DYTN: variants seen among roughly 807,000 people sequenced by gnomAD.
DYTN encodes the protein dystrotelin.
In DYTN, 75 loss-of-function variants were observed where a neutral mutation model predicts 69.6. That is an observed-to-expected ratio of 1.08 (90% CI 0.89 to 1.31). The LOEUF (loss-of-function observed/expected upper bound fraction) is 1.31, where lower values mean the gene tolerates loss of function less well. DYTN is among the 50% of genes most tolerant of loss of function. DYTN has a pLI of 0.00. For synonymous variants in DYTN, 252 were observed against 249.1 expected, an observed-to-expected ratio of 1.01 and a Z score of -0.11; for missense variants, 726 against 688.4, an observed-to-expected ratio of 1.05 and a Z score of -0.61.
In DYTN at chr2:206,692,910, ATCT is replaced by A. The variant is rs560225377; in HGVS notation, c.980+262_980+264del. Among the ~76,000 whole-genome samples the A allele has an allele frequency of 2.6e-4, 40 of 152,228 alleles. No homozygotes were observed. The East Asian group carries it at 6.7e-3, about 26-fold the overall frequency. On this transcript the variant is annotated intron_variant, in intron 9 of 11. Transcript: ENST00000452335. ...TTATTCAAATATTCTAATATTAAAAATCTTCTTTGTCTTTCTGATGGTTTCATT... is the reference window on the plus strand; with the variant it reads ...TTATTCAAATATTCTAATATTAAAAATCTTTGTCTTTCTGATGGTTTCATT...
intron 7 of DYTN, among the ~76,000 whole-genome samples, chr2:206,698,994 C>T (rs561542419): frequency 2.8e-4 from 42 of 152,324 alleles, no homozygotes; most frequent in Middle Eastern, 3.4e-3. Flanking sequence ...GATAAGAATA[C>T]AACCCTTTGT....
At chr2:206,696,685 C>G (rs1198474316) in intron 7 of DYTN, among the ~76,000 whole-genome samples, 1 of 152,140 alleles carries the variant, frequency 6.6e-6, no homozygotes, top group Non-Finnish European at 1.5e-5. Flanking sequence ...GATTTTGAGT[C>G]CCAGGTTACT....
intron 9 of DYTN, among the ~76,000 whole-genome samples, chr2:206,692,917 T>C (rs1699879945): frequency 6.6e-6 from 1 of 152,202 alleles, no homozygotes; most frequent in African/African-American, 2.4e-5. Context: ...AAAATCTTCT[T>C]TGTCTTTCTG....
chr2:206,686,953 AG>A (rs1699816987), intron 9 of DYTN: 1 of 155,098 alleles, frequency 6.4e-6, no homozygotes, highest in African/African-American at 2.4e-5. Context: ...CCTGAGGAGC[AG>A]AGTGGATGGT....
chr2:206,702,255 A>G (rs1242140916), intron 5 of DYTN, among the ~76,000 whole-genome samples: 1 of 152,216 alleles, frequency 6.6e-6, no homozygotes. Context: ...TGTCACCTCC[A>G]TTTATTCCCA....
At position 206,693,260 on chromosome 2, in the gene DYTN, G is replaced by C. The variant is rs773886796; in HGVS notation, c.895C>G (p.Arg299Gly). 2.5e-6 allele frequency: 4 copies of C among 1,613,502 alleles called. No homozygotes were observed. Among genetic ancestry groups the C allele is most frequent in the Non-Finnish European group, 2.5e-6 (3 of 1,179,872 alleles). ...CTCGCTGCTTCTTTCTTCCTACAGC[G>C]CCCCTGAAGAAGGTTGTTTCTGAGG... ...RTLRNNLLQG[R>G]CRKKEAARRQ... Residue 299 changes from arginine (R) to glycine (G), a missense_variant, in exon 9 of 12, where the codon CGC becomes GGC. By Grantham distance (125) the Arg-to-Gly change is moderately radical. Coordinates refer to ENST00000452335, the MANE Select transcript of DYTN (RefSeq NM_001093730.1).
At chr2:206,706,174 G>T (rs1339877911) in intron 3 of DYTN, among the ~76,000 whole-genome samples, 1 of 152,138 alleles carries the variant, frequency 6.6e-6, no homozygotes, top group Non-Finnish European at 1.5e-5. Context: ...CATGGAGCAG[G>T]TAGCATCACT....
intron 9 of DYTN, among the ~76,000 whole-genome samples, chr2:206,683,471 G>A (rs2105894522): frequency 6.7e-6 from 1 of 149,704 alleles, no homozygotes; most frequent in East Asian, 2.0e-4. Context: ...AGCCTCCCAA[G>A]TAGCTGGGAT....
rs758156864 is a variant in DYTN at position 206,659,164 on chromosome 2, CTTTTTTTTTTTT to C, written c.1633+3727_1633+3738del. ...CTTTTCCGTTAAGTTCTCACAGTCT[CTTTTTTTTTTTT>C]TTTTTTTTTTTTTGAGACGGAGTCT... On this transcript the variant is annotated intron_variant, in intron 11 of 11. Coordinates refer to ENST00000452335, the MANE Select transcript of DYTN (RefSeq NM_001093730.1). Among the ~76,000 whole-genome samples the C allele has an allele frequency of 3.3e-4, 18 of 54,308 alleles. No individual in the cohort carries two copies. The South Asian group carries it at 0.017, about 51-fold the overall frequency. The allele number at this position is 54,308 out of a possible 152,430, so 35.6% of individuals were successfully genotyped here. A position where few individuals can be genotyped will look rare whatever the true frequency, so the allele number is the denominator to read the frequency against.
chr2:206,689,303 T>C (rs372792560), intron 9 of DYTN, among the ~76,000 whole-genome samples: 6 of 152,224 alleles, frequency 3.9e-5, no homozygotes, highest in Non-Finnish European at 8.8e-5. Context: ...GCCATAACCA[T>C]TAATCTCTTA....
At chr2:206,706,525 A>C (rs1024954743) in intron 3 of DYTN, among the ~76,000 whole-genome samples, 5 of 151,870 alleles carry the variant, frequency 3.3e-5, no homozygotes, top group Non-Finnish European at 5.9e-5. Context: ...AGAGAAAATA[A>C]CTGTAAGGAA....
chr2:206,704,278 AATG>A (rs1263620150), intron 5 of DYTN, among the ~76,000 whole-genome samples: 1 of 152,234 alleles, frequency 6.6e-6, no homozygotes, highest in Non-Finnish European at 1.5e-5. Flanking sequence ...GGAGGTGACA[AATG>A]ATTGAGAGAT....
At chr2:206,675,757 A>G (rs1312216211) in intron 9 of DYTN, among the ~76,000 whole-genome samples, 2 of 152,232 alleles carry the variant, frequency 1.3e-5, no homozygotes, top group Non-Finnish European at 2.9e-5. Context: ...CAACCCCATC[A>G]AAAAGTGGGC....
intron 11 of DYTN, among the ~76,000 whole-genome samples, chr2:206,656,215 C>T (rs1158234105): frequency 1.3e-5 from 2 of 151,780 alleles, no homozygotes; most frequent in African/African-American, 4.8e-5. Context: ...GTAAATTGAC[C>T]CTTTTATCAT....
At chr2:206,689,345 T>C (rs1007544323) in intron 9 of DYTN, among the ~76,000 whole-genome samples, 2 of 152,242 alleles carry the variant, frequency 1.3e-5, no homozygotes, top group Admixed American at 6.5e-5. Context: ...GCCAACATAA[T>C]AGATATCAAA....
At position 206,685,783 on chromosome 2, in the gene DYTN, C is replaced by G. The variant is rs146130570; in HGVS notation, c.980+7392G>C. On this transcript the variant is annotated intron_variant, in intron 9 of 11. Coordinates refer to ENST00000452335, the MANE Select transcript of DYTN (RefSeq NM_001093730.1). ...AAGGAGCAAACATTCATTTTTTCCC[C>G]TTACATAACTTTGCATTTAAATATA... 9.5e-4 allele frequency among the ~76,000 whole-genome samples: 145 copies of G among 152,110 alleles called. 1 individual carries two copies. The highest frequency in any genetic ancestry group is 3.3e-3 in the African/African-American group (135 of 41,516).
chr2:206,669,003 C>G (rs1377897938), intron 9 of DYTN, among the ~76,000 whole-genome samples: 1 of 152,194 alleles, frequency 6.6e-6, no homozygotes, highest in Non-Finnish European at 1.5e-5. Context: ...AACTGTGAGT[C>G]AATTAAACCT....
intron 11 of DYTN, among the ~76,000 whole-genome samples, chr2:206,660,610 A>C (rs1258071012): frequency 8.5e-5 from 13 of 152,226 alleles, no homozygotes; most frequent in Admixed American, 8.5e-4. Context: ...CTTCGCTTTG[A>C]ATACTCATCA....
At chr2:206,688,388 T>C (rs1056204525) in intron 9 of DYTN, among the ~76,000 whole-genome samples, 8 of 152,128 alleles carry the variant, frequency 5.3e-5, no homozygotes, top group African/African-American at 1.9e-4. Context: ...TTCAGTACCG[T>C]GCTTTGGGGC....
Sources: gnomAD v4.1 joint callset for allele counts (sites outside exome capture counted in the v4.1 genomes callset) on GRCh38, gnomAD v4.1.1 for gene constraint, MANE v1.5 for transcripts, NCBI Gene and HGNC (gene_info 2026-07-23, HGNC 2026-07-21) for gene names.